The following MED27 variants were observed in gnomAD, a reference collection of about 807,000 sequenced individuals.
MED27 encodes the protein mediator of RNA polymerase II transcription subunit 27.
MED27 carries 30 observed loss-of-function variants against 38.2 expected under a neutral mutation model. The observed-to-expected ratio is 0.79, with a 90% CI of 0.59 to 1.07. The LOEUF is 1.07. MED27 is among the 50% of genes least tolerant of loss of function. MED27 has a pLI of 0.00. For synonymous variants in MED27, 122 were observed against 153.5 expected (o/e 0.79, Z 1.52); for missense variants, 289 against 397.5 (o/e 0.73, Z 2.32).
chr9:131,926,988 G>A (rs1178804171), intron 4 of MED27, among the ~76,000 whole-genome samples: 5 of 152,044 alleles, frequency 3.3e-5, no homozygotes, highest in Non-Finnish European at 5.9e-5. Context: ...TTTAAATGCC[G>A]AGAGAAGCCA....
At chr9:131,893,757 G>T in intron 5 of MED27, 128 bp downstream of exon 5, 1 of 673,916 alleles carries the variant, frequency 1.5e-6, no homozygotes, top group Non-Finnish European at 2.7e-6. Context: ...TCCTCACACT[G>T]ACAAATCTAT....
At position 132,051,115 on chromosome 9, in the gene MED27, C is replaced by A. The variant is rs1027210089; in HGVS notation, c.348+26327G>T. ...TTTCAAATGAAGTGTCAAGACACAG[C>A]AGTTTTTGTAATCAATTATGAGATG... On this transcript the variant is annotated intron_variant, in intron 2 of 7. Transcript: ENST00000292035. The surrounding 1 kb of genome is among the most constrained non-coding windows in gnomAD (Gnocchi z 4.2). Among the ~76,000 whole-genome samples, 1 of 152,160 alleles carries A rather than the reference C, an allele frequency of 6.6e-6. No individual in the cohort carries two copies. The highest frequency in any genetic ancestry group is 1.5e-5 in the Non-Finnish European group (1 of 68,020).
At chr9:131,973,389 G>A (rs1831524544) in intron 3 of MED27, among the ~76,000 whole-genome samples, 2 of 152,114 alleles carry the variant, frequency 1.3e-5, no homozygotes, top group Non-Finnish European at 1.5e-5. Flanking sequence ...TCTGGCCAAT[G>A]AGACATGAAG....
At chr9:131,922,528 C>T (rs548763091) in intron 4 of MED27, among the ~76,000 whole-genome samples, 94 of 151,972 alleles carry the variant, frequency 6.2e-4, no homozygotes, top group African/African-American at 2.2e-3. Context: ...GCAACCTCCA[C>T]CTCCCAGGTT....
intron 2 of MED27, among the ~76,000 whole-genome samples, chr9:132,034,015 A>G (rs1833020058): frequency 6.6e-6 from 1 of 152,154 alleles, no homozygotes; most frequent in African/African-American, 2.4e-5. Flanking sequence ...CAGTACTATT[A>G]ATAATATAAC....
intron 6 of MED27, among the ~76,000 whole-genome samples, chr9:131,874,055 G>C (rs1332959055): frequency 1.3e-5 from 2 of 152,216 alleles, no homozygotes; most frequent in Non-Finnish European, 2.9e-5. Flanking sequence ...CCCTGGTGGA[G>C]CAAAGGAGGC....
chr9:131,894,075 G>A, intron 4 of MED27, 83 bp from the exon 5 acceptor site: 1 of 969,342 alleles, frequency 1.0e-6, no homozygotes. Flanking sequence ...TGACCACCTG[G>A]CCAATCCAGT....
chr9:131,909,873 T>G (rs1830156362), intron 4 of MED27, among the ~76,000 whole-genome samples: 1 of 152,202 alleles, frequency 6.6e-6, no homozygotes, highest in Non-Finnish European at 1.5e-5. Flanking sequence ...CTATTTAGGG[T>G]AGCTTAAAAT....
chr9:131,968,200 C>A (rs181592245), intron 3 of MED27, among the ~76,000 whole-genome samples: 4 of 152,054 alleles, frequency 2.6e-5, no homozygotes, highest in Non-Finnish European at 5.9e-5. Flanking sequence ...AGACCAGGCA[C>A]GGTGGCGCAT....
At chr9:131,879,320 G>A (rs1838994595) in intron 6 of MED27, among the ~76,000 whole-genome samples, 1 of 152,226 alleles carries the variant, frequency 6.6e-6, no homozygotes, top group African/African-American at 2.4e-5. Flanking sequence ...CACGGGTGGG[G>A]GGCGTGGCTT....
chr9:131,934,032 T>C (rs1830637722), intron 4 of MED27, among the ~76,000 whole-genome samples: 1 of 152,178 alleles, frequency 6.6e-6, no homozygotes. Context: ...GGGGAAAAGA[T>C]ATCCCTTCAA....
chr9:132,023,961 G>A (rs984156549), intron 2 of MED27, among the ~76,000 whole-genome samples: 30 of 152,098 alleles, frequency 2.0e-4, no homozygotes, highest in South Asian at 1.2e-3. Context: ...AGAACAAGGC[G>A]TGGTGGCTCA....
intron 2 of MED27, among the ~76,000 whole-genome samples, chr9:132,020,189 A>G (rs769153856): frequency 1.3e-5 from 2 of 152,120 alleles, no homozygotes; most frequent in Non-Finnish European, 2.9e-5. Flanking sequence ...GAGATTCCAC[A>G]TGTATACTCT....
chr9:132,014,277 CA>C, intron 3 of MED27, 59 bp downstream of exon 3: 1 of 1,518,950 alleles, frequency 6.6e-7, no homozygotes, highest in East Asian at 2.3e-5. Flanking sequence ...TACCCAAAAA[CA>C]AGTATAAAGT....
chr9:131,908,522 T>C (rs1474521541), intron 4 of MED27, among the ~76,000 whole-genome samples: 1 of 152,204 alleles, frequency 6.6e-6, no homozygotes, highest in East Asian at 1.9e-4. Context: ...TTTCATTTTG[T>C]TCTGTACTAA....
At chr9:131,931,685 A>G (rs1489166393) in intron 4 of MED27, among the ~76,000 whole-genome samples, 1 of 152,210 alleles carries the variant, frequency 6.6e-6, no homozygotes, top group East Asian at 1.9e-4. Flanking sequence ...ATGCCAATGG[A>G]AACCAAAAGA....
At chr9:131,951,444 A>T (rs1328201234) in intron 3 of MED27, among the ~76,000 whole-genome samples, 1 of 152,208 alleles carries the variant, frequency 6.6e-6, no homozygotes, top group Admixed American at 6.5e-5. Context: ...CTCAACAGAC[A>T]ACTGATAAAT....
At chr9:132,070,167 G>A (rs1170489246) in intron 2 of MED27, among the ~76,000 whole-genome samples, 1 of 152,216 alleles carries the variant, frequency 6.6e-6, no homozygotes, top group East Asian at 1.9e-4. Flanking sequence ...TATAAAGTCT[G>A]ACTCCAGAGC....
At chr9:131,910,749 C>T (rs777407474) in intron 4 of MED27, among the ~76,000 whole-genome samples, 10 of 152,134 alleles carry the variant, frequency 6.6e-5, no homozygotes, top group Middle Eastern at 3.2e-3. Flanking sequence ...TACACTGCAG[C>T]GACAAATTAA....
Sources: allele counts gnomAD v4.1 joint callset (sites outside exome capture counted in the v4.1 genomes callset), GRCh38; gene constraint gnomAD v4.1.1; non-coding constraint Gnocchi (gnomAD v3.1); transcripts MANE v1.5; gene names NCBI Gene and HGNC (gene_info 2026-07-23, HGNC 2026-07-21).